The following COL5A2 variants were observed in gnomAD, a reference collection of about 807,000 sequenced individuals.
COL5A2 encodes the protein collagen type V alpha 2 chain, also known as collagen alpha-2(V) chain.
In COL5A2, 23 loss-of-function variants were observed where a neutral mutation model predicts 208.2. The observed-to-expected ratio is 0.11, with a 90% CI of 0.08 to 0.16. The LOEUF is 0.16. COL5A2 is among the 10% of genes least tolerant of loss of function. COL5A2 has a pLI of 1.00. For synonymous variants in COL5A2, 625 were observed against 628.5 expected, an observed-to-expected ratio of 0.99 and a Z score of 0.08; for missense variants, 1,590 against 1,956.4, an observed-to-expected ratio of 0.81 and a Z score of 3.53.
At chr2:189,432,777 C>T in the COL5A2 span, among the ~76,000 whole-genome samples, 1 of 152,144 alleles carries the variant, frequency 6.6e-6, no homozygotes, top group Non-Finnish European at 1.5e-5. Flanking sequence ...ATCAATGAGA[C>T]AGAAAGTTAA....
chr2:189,093,893 G>T (rs1686844096), intron 6 of COL5A2, among the ~76,000 whole-genome samples: 1 of 152,188 alleles, frequency 6.6e-6, no homozygotes, highest in African/African-American at 2.4e-5. Flanking sequence ...ACAGCCTTGT[G>T]TAGAAAACTC....
At chr2:189,158,014 C>G (rs1005976960) in intron 1 of COL5A2, among the ~76,000 whole-genome samples, 6 of 151,958 alleles carry the variant, frequency 3.9e-5, no homozygotes, top group African/African-American at 1.4e-4. Context: ...GGTATCCCTA[C>G]AGCCTAGCAC....
chr2:189,339,228 G>A, the COL5A2 span, among the ~76,000 whole-genome samples: 2 of 151,916 alleles, frequency 1.3e-5, no homozygotes, highest in African/African-American at 4.8e-5. Flanking sequence ...GCATGCGCCT[G>A]TAATCCCAGC....
chr2:189,439,788 A>G, the COL5A2 span, among the ~76,000 whole-genome samples: 1 of 152,246 alleles, frequency 6.6e-6, no homozygotes, highest in African/African-American at 2.4e-5. Context: ...TCTTTTCTGA[A>G]AAATCTAAAG....
chr2:189,428,385 C>T, the COL5A2 span, among the ~76,000 whole-genome samples: 6 of 152,172 alleles, frequency 3.9e-5, no homozygotes, highest in East Asian at 1.2e-3. Context: ...TTTGGGTGAC[C>T]AAGGCAGGTG....
At chr2:189,107,690 A>C (rs1687178098) in intron 2 of COL5A2, among the ~76,000 whole-genome samples, 1 of 151,042 alleles carries the variant, frequency 6.6e-6, no homozygotes, top group Non-Finnish European at 1.5e-5. Flanking sequence ...TTTAAAAATA[A>C]AATGTTTCAC....
chr2:189,378,541 G>A, the COL5A2 span, among the ~76,000 whole-genome samples: 2 of 152,114 alleles, frequency 1.3e-5, no homozygotes, highest in African/African-American at 4.8e-5. Flanking sequence ...TGGCTAACAC[G>A]GTGAAACCCC....
intron 40 of COL5A2, 137 bp downstream of exon 40, chr2:189,052,612 T>G: frequency 1.1e-6 from 1 of 916,770 alleles, no homozygotes; most frequent in Non-Finnish European, 1.7e-6. Flanking sequence ...TTAAGTGCCC[T>G]TTGCACTATA....
rs34715449 is a variant in COL5A2 at position 189,057,290 on chromosome 2, G to GAAAAAAAAAAAAAAAA, written c.2337+14_2337+29dup. On this transcript the variant is annotated intron_variant, in intron 34 of 53. Transcript: ENST00000374866. ...AGCAGAAAGTCTGAATAAATGAACT[G>GAAAAAAAAAAAAAAAA]AAAAAAAAAAAAAAAAAAAAAGGAC... The GAAAAAAAAAAAAAAAA allele has an allele frequency of 8.0e-5, 57 of 710,626 alleles. 7 individuals carry two copies. The highest frequency in any genetic ancestry group is 1.7e-4 in the South Asian group (9 of 54,224). The allele number at this position is 710,626 out of a possible 1,614,324, so 44.0% of individuals were successfully genotyped here. A position where few individuals can be genotyped will look rare whatever the true frequency, so the allele number is the denominator to read the frequency against.
chr2:189,152,658 C>T (rs1234269895), intron 1 of COL5A2, among the ~76,000 whole-genome samples: 1 of 152,112 alleles, frequency 6.6e-6, no homozygotes, highest in Non-Finnish European at 1.5e-5. Context: ...TTCCAACTCC[C>T]GCAGAGGCTG....
intron 1 of COL5A2, among the ~76,000 whole-genome samples, chr2:189,212,713 G>A (rs887249171): frequency 1.3e-5 from 2 of 151,562 alleles, no homozygotes; most frequent in South Asian, 2.1e-4. Flanking sequence ...TGATAGGAGC[G>A]AAAGAAAAAT....
the COL5A2 span, among the ~76,000 whole-genome samples, chr2:189,270,472 T>C: frequency 6.6e-6 from 1 of 152,204 alleles, no homozygotes; most frequent in African/African-American, 2.4e-5. Context: ...TCTGCCTTAA[T>C]TTCGTTATTT....
chr2:189,229,539 T>C (rs912646658), upstream of COL5A2, among the ~76,000 whole-genome samples: 2 of 151,250 alleles, frequency 1.3e-5, no homozygotes, highest in African/African-American at 4.9e-5. Flanking sequence ...GCACTAACAG[T>C]GGACAATCTG....
chr2:189,207,486 T>C (rs1689156234), intron 1 of COL5A2, among the ~76,000 whole-genome samples: 1 of 152,222 alleles, frequency 6.6e-6, no homozygotes, highest in Non-Finnish European at 1.5e-5. Flanking sequence ...ACAATTCTGT[T>C]ATCAAGCATC....
the COL5A2 span, among the ~76,000 whole-genome samples, chr2:189,329,724 G>A: frequency 6.6e-6 from 1 of 152,100 alleles, no homozygotes; most frequent in Non-Finnish European, 1.5e-5. Context: ...TTTAAAGTGT[G>A]TTTATCATTG....
At chr2:189,079,024 A>C in intron 15 of COL5A2, 39 bp downstream of exon 15, 2 of 1,535,572 alleles carry the variant, frequency 1.3e-6, no homozygotes, top group Non-Finnish European at 1.8e-6. Flanking sequence ...AAGGAAATAT[A>C]ACCTTAGAAA....
the COL5A2 span, among the ~76,000 whole-genome samples, chr2:189,322,574 T>C: frequency 6.6e-6 from 1 of 152,158 alleles, no homozygotes; most frequent in Non-Finnish European, 1.5e-5. Context: ...CTAGAAAATC[T>C]AGAAGAAATG....
the COL5A2 span, among the ~76,000 whole-genome samples, chr2:189,328,050 G>A: frequency 6.6e-6 from 1 of 152,146 alleles, no homozygotes; most frequent in Non-Finnish European, 1.5e-5. Flanking sequence ...CATATGAAGA[G>A]CCAACTTCAT....
chr2:189,302,798 C>G, the COL5A2 span, among the ~76,000 whole-genome samples: 1 of 152,080 alleles, frequency 6.6e-6, no homozygotes, highest in Non-Finnish European at 1.5e-5. Flanking sequence ...CTGTCAGTCC[C>G]CTAGTAGCTG....
Sources: allele counts gnomAD v4.1 joint callset (sites outside exome capture counted in the v4.1 genomes callset), GRCh38; gene constraint gnomAD v4.1.1; transcripts MANE v1.5; gene names NCBI Gene and HGNC (gene_info 2026-07-23, HGNC 2026-07-21).